MFSD1: variants seen among roughly 807,000 people sequenced by gnomAD.
MFSD1 encodes the protein major facilitator superfamily domain containing 1.
MFSD1 carries 59 observed loss-of-function variants against 67.1 expected under a neutral mutation model. That is an observed-to-expected ratio of 0.88 (90% CI 0.71 to 1.09). The LOEUF is 1.09. Among genes scored for constraint, MFSD1 ranks in the 50% least tolerant of loss-of-function variants. The pLI is 0.00. For synonymous variants in MFSD1, 213 were observed against 200.3 expected (o/e 1.06, Z -0.54); for missense variants, 552 against 566.1 (o/e 0.97, Z 0.25).
rs779853409 is a variant in MFSD1 at position 158,805,323 on chromosome 3, C to G, written c.217-39C>G. 96 of 1,482,598 alleles carry G rather than the reference C, an allele frequency of 6.5e-5. 1 individual carries two copies. In the South Asian group the frequency reaches 9.6e-4, roughly 15 times the overall value. 91.8% of individuals were successfully genotyped at this position (1,482,598 alleles called of 1,614,324 possible). On this transcript the variant is annotated intron_variant, in intron 2 of 15. Coordinates refer to ENST00000415822, the MANE Select transcript of MFSD1 (RefSeq NM_022736.4). Reference sequence around the variant, plus strand: ...TTGATTTGTTAGTTGCTAAACTTAACTGTTTGGAAAAAAATAGTTTTATTT... The same window carrying G: ...TTGATTTGTTAGTTGCTAAACTTAAGTGTTTGGAAAAAAATAGTTTTATTT...
intron 15 of MFSD1, among the ~76,000 whole-genome samples, chr3:158,828,363 CTG>C (rs1310755289): frequency 6.6e-6 from 1 of 151,964 alleles, no homozygotes; most frequent in East Asian, 1.9e-4. Flanking sequence ...GTAGAACAGT[CTG>C]TTTTTTTGAG....
intron 5 of MFSD1, among the ~76,000 whole-genome samples, chr3:158,808,020 G>A (rs1729812276): frequency 6.6e-6 from 1 of 152,218 alleles, no homozygotes. Flanking sequence ...AACTGACTCA[G>A]TTTTAAAAGC....
chr3:158,812,497 C>T (rs1266918334), intron 6 of MFSD1, among the ~76,000 whole-genome samples: 1 of 152,124 alleles, frequency 6.6e-6, no homozygotes, highest in Non-Finnish European at 1.5e-5. Flanking sequence ...CTCTAAGAAG[C>T]CCCTGAGATT....
At position 158,826,013 on chromosome 3, in the gene MFSD1, A is replaced by G. The variant is rs755047911; in HGVS notation, c.1289-2A>G. The G allele has an allele frequency of 3.1e-6, 5 of 1,611,622 alleles. No individual in the cohort carries two copies. The highest frequency in any genetic ancestry group is 1.1e-5 in the South Asian group (1 of 91,038). ...AAGGGCCCTATGTTTTTTCACTCCTAGTGTCACTTTTATCTGTGGTCTTAC... is the reference window on the plus strand; with the variant it reads ...AAGGGCCCTATGTTTTTTCACTCCTGGTGTCACTTTTATCTGTGGTCTTAC... On this transcript the variant is annotated splice_acceptor_variant, in intron 13 of 15. Coordinates refer to ENST00000415822, the MANE Select transcript of MFSD1 (RefSeq NM_022736.4). LOFTEE classifies it high-confidence loss of function.
At chr3:158,823,147 T>C (rs897411746) in intron 11 of MFSD1, 6 of 330,778 alleles carry the variant, frequency 1.8e-5, no homozygotes, top group African/African-American at 1.2e-4. Context: ...ATTTTCTTAC[T>C]TGGTCCTTGA....
chr3:158,821,101 G>T (rs1372919415), intron 9 of MFSD1, among the ~76,000 whole-genome samples: 1 of 152,118 alleles, frequency 6.6e-6, no homozygotes, highest in African/African-American at 2.4e-5. Flanking sequence ...TTAAATTCTG[G>T]GTTCAAAGCA....
chr3:158,826,167 G>C, intron 14 of MFSD1, 105 bp downstream of exon 14: 1 of 795,420 alleles, frequency 1.3e-6, no homozygotes, highest in South Asian at 1.6e-5. Flanking sequence ...ATGCAGTAAT[G>C]ACTTTCTGTT....
rs573382839 is a variant in MFSD1, at chr3:158,819,131, G to C, written c.653-518G>C. On this transcript the variant is annotated intron_variant, in intron 7 of 15. Coordinates refer to ENST00000415822, the MANE Select transcript of MFSD1 (RefSeq NM_022736.4). ...GAGATTGGTATTAGAGAGAAATGCT[G>C]ATCTCACAGGAAAGAGCTTGAGAGT... 2.0e-5 allele frequency among the ~76,000 whole-genome samples: 3 copies of C among 152,352 alleles called. 1 individual carries two copies. The highest frequency in any genetic ancestry group is 1.9e-4 in the East Asian group (1 of 5,182).
chr3:158,823,259 G>A, intron 11 of MFSD1, 169 bp from the exon 12 acceptor site: 1 of 607,674 alleles, frequency 1.6e-6, no homozygotes, highest in South Asian at 1.9e-5. Context: ...TACTCTTAGG[G>A]CAGAGACTTG....
intron 7 of MFSD1, 167 bp from the exon 8 acceptor site, chr3:158,819,482 C>G: frequency 2.1e-6 from 1 of 483,256 alleles, no homozygotes; most frequent in East Asian, 3.3e-5. Context: ...TGAATGTACT[C>G]TTCCTCTTTT....
At chr3:158,816,888 C>T (rs1730382294) in intron 7 of MFSD1, among the ~76,000 whole-genome samples, 1 of 149,880 alleles carries the variant, frequency 6.7e-6, no homozygotes, top group Non-Finnish European at 1.5e-5. Flanking sequence ...GTTTTCCCAG[C>T]ACCATTTATT....
chr3:158,829,199 C>A lies in MFSD1; in HGVS notation c.*217C>A. On this transcript the variant is annotated 3_prime_UTR_variant, in exon 16 of 16. Transcript: ENST00000415822. Reference sequence around the variant, plus strand: ...GCTAAAGAATTCTACTTTTAGTAGGCTAATCAACAATGAAAGGGTTAGAAA... The same window carrying A: ...GCTAAAGAATTCTACTTTTAGTAGGATAATCAACAATGAAAGGGTTAGAAA... 1 of 374,828 alleles carries A rather than the reference C, an allele frequency of 2.7e-6. No homozygotes were observed. The highest frequency in any genetic ancestry group is 4.7e-6 in the Non-Finnish European group (1 of 211,532). 23.2% of individuals were successfully genotyped at this position (374,828 alleles called of 1,614,324 possible). A position where few individuals can be genotyped will look rare whatever the true frequency, so the allele number is the denominator to read the frequency against.
chr3:158,824,945 C>A (rs538079383), intron 13 of MFSD1, among the ~76,000 whole-genome samples: 2 of 152,074 alleles, frequency 1.3e-5, no homozygotes, highest in East Asian at 3.9e-4. Flanking sequence ...CATAAATAAA[C>A]GTGCTTGTTT....
chr3:158,808,916 T>C lies in MFSD1; in HGVS notation c.441-263T>C, dbSNP rs150165619. On this transcript the variant is annotated intron_variant, in intron 5 of 15. Coordinates refer to ENST00000415822, the MANE Select transcript of MFSD1 (RefSeq NM_022736.4). ...GGTTTGCTGTCTCATAGCATGGGGGTAGTGGTTCAGGGCTCCAAGTGCGAG... is the reference window on the plus strand; with the variant it reads ...GGTTTGCTGTCTCATAGCATGGGGGCAGTGGTTCAGGGCTCCAAGTGCGAG... 4.6e-3 allele frequency: 1,639 copies of C among 355,394 alleles called. 29 individuals are homozygous for C. Among genetic ancestry groups the C allele is most frequent in the Admixed American group, 0.029 (664 of 22,908 alleles). 22.0% of individuals were successfully genotyped at this position (355,394 alleles called of 1,614,324 possible).
At chr3:158,810,056 A>G (rs1489397716) in intron 6 of MFSD1, among the ~76,000 whole-genome samples, 1 of 152,184 alleles carries the variant, frequency 6.6e-6, no homozygotes, top group African/African-American at 2.4e-5. Context: ...ACAGGGTCTC[A>G]CTTTGTTGCC....
chr3:158,807,359 C>G, intron 4 of MFSD1, 37 bp from the exon 5 acceptor site: 1 of 1,535,436 alleles, frequency 6.5e-7, no homozygotes, highest in Non-Finnish European at 9.0e-7. Context: ...TTTGAATTTA[C>G]TTTTTCATTA....
At chr3:158,804,803 G>A (rs1217997444) in intron 2 of MFSD1, among the ~76,000 whole-genome samples, 1 of 152,154 alleles carries the variant, frequency 6.6e-6, no homozygotes, top group East Asian at 1.9e-4. Flanking sequence ...AGGATTTTTA[G>A]TCTGGTTTTG....
Position 158,823,397 on chromosome 3 carries a change from A to C in MFSD1, c.1078-31A>C. 2.8e-6 allele frequency: 4 copies of C among 1,431,158 alleles called. No homozygotes were observed. The South Asian group carries it at 4.6e-5, about 16-fold the overall frequency. The allele number at this position is 1,431,158 out of a possible 1,614,324, so 88.7% of individuals were successfully genotyped here. A position where few individuals can be genotyped will look rare whatever the true frequency, so the allele number is the denominator to read the frequency against. ...AAAATCACCTTTTGGTTAATGTAAG[A>C]CTGTGACCTTTTCTGCGTTGCTTTC... On this transcript the variant is annotated intron_variant, in intron 11 of 15. Coordinates refer to ENST00000415822, the MANE Select transcript of MFSD1 (RefSeq NM_022736.4).
rs1248103883 is a variant in MFSD1 at position 158,805,472 on chromosome 3, A to G, written c.327A>G (p.Ile109Met). Residue 109 changes from isoleucine (I) to methionine (M), a missense_variant and splice_region_variant, in exon 3 of 16, where the codon ATA (isoleucine) becomes ATG (methionine). Transcript: ENST00000415822. ...GGFLIDRVFGIRWGTIIFSCF... is the reference protein window; with the variant it reads ...GGFLIDRVFGMRWGTIIFSCF... ...TTTTGATAGACCGAGTATTTGGAAT[A>G]CGGTAAGCTTGAAAAGAAACTATGG... 3 of 1,605,376 alleles carry G rather than the reference A, an allele frequency of 1.9e-6. No homozygotes were observed. The highest frequency in any genetic ancestry group is 2.6e-6 in the Non-Finnish European group (3 of 1,171,996).
Sources: allele counts gnomAD v4.1 joint callset (sites outside exome capture counted in the v4.1 genomes callset), GRCh38; gene constraint gnomAD v4.1.1; transcripts MANE v1.5; gene names NCBI Gene and HGNC (gene_info 2026-07-23, HGNC 2026-07-21).